C11orf65: variants seen among roughly 807,000 people sequenced by gnomAD.
The protein encoded by C11orf65 is protein MFI.
In C11orf65, 38 loss-of-function variants were observed where a neutral mutation model predicts 35.3. The observed-to-expected ratio is 1.08, with a 90% CI of 0.83 to 1.41. The LOEUF is 1.41. Ranked by LOEUF, C11orf65 falls within the 40% of genes most tolerant of loss-of-function variation. The pLI is 0.00. For missense variants in C11orf65, 370 were observed against 367.1 expected (o/e 1.01, Z -0.06); for synonymous variants, 105 against 114.4 (o/e 0.92, Z 0.53).
intron 2 of C11orf65, among the ~76,000 whole-genome samples, chr11:108,453,607 A>G (rs992669862): frequency 2.0e-5 from 3 of 152,238 alleles, no homozygotes; most frequent in Admixed American, 2.0e-4. Context: ...CTATAACAAT[A>G]TAAAATAAAA....
intron 3 of C11orf65, chr11:108,334,885 T>G: frequency 5.4e-6 from 8 of 1,471,944 alleles, no homozygotes; most frequent in Non-Finnish European, 7.6e-6. Context: ...TGTTTAATAT[T>G]AAAATTGCCA....
chr11:108,452,593 A>C (rs1195427278), intron 2 of C11orf65, among the ~76,000 whole-genome samples: 1 of 152,184 alleles, frequency 6.6e-6, no homozygotes. Context: ...ACAGTGTGGC[A>C]ATTCCTCAAG....
intron 6 of C11orf65, among the ~76,000 whole-genome samples, chr11:108,311,959 T>G (rs2084199265): frequency 6.6e-6 from 1 of 152,226 alleles, no homozygotes; most frequent in African/African-American, 2.4e-5. Flanking sequence ...TTGGTTTAAG[T>G]GGATCCTACT....
At chr11:108,396,101 G>A (rs1211244852) in intron 6 of C11orf65, among the ~76,000 whole-genome samples, 1 of 151,670 alleles carries the variant, frequency 6.6e-6, no homozygotes, top group Non-Finnish European at 1.5e-5. Context: ...ATTTTAAACG[G>A]ATAATGATCC....
At chr11:108,374,454 C>A (rs1418487532) in intron 2 of C11orf65, among the ~76,000 whole-genome samples, 3 of 152,188 alleles carry the variant, frequency 2.0e-5, no homozygotes, top group Non-Finnish European at 4.4e-5. Context: ...AAACTAACAA[C>A]AGAAAGGATA....
At chr11:108,382,694 G>A (rs2091890587), downstream of C11orf65, 1 of 802,818 alleles carries the variant, frequency 1.2e-6, no homozygotes, top group African/African-American at 1.9e-5. Context: ...CGAGAGCTCT[G>A]CCTTCCATGA....
At chr11:108,411,443 A>C (rs2092654893) in intron 3 of C11orf65, among the ~76,000 whole-genome samples, 1 of 152,214 alleles carries the variant, frequency 6.6e-6, no homozygotes, top group Admixed American at 6.5e-5. Context: ...ACTTTTGCAA[A>C]ACTGTAGACA....
chr11:108,331,296 G>A (rs1208638231), downstream of C11orf65: 2 of 1,402,320 alleles, frequency 1.4e-6, no homozygotes, highest in Non-Finnish European at 1.9e-6. Context: ...GATAAGAAAA[G>A]AAATGAAGGA....
intron 6 of C11orf65, among the ~76,000 whole-genome samples, chr11:108,323,275 T>C (rs926642398): frequency 6.6e-6 from 1 of 152,194 alleles, no homozygotes; most frequent in African/African-American, 2.4e-5. Context: ...CATAAGTACA[T>C]TGGCAGTACT....
chr11:108,447,185 G>A (rs1017493972), intron 2 of C11orf65, among the ~76,000 whole-genome samples: 4 of 152,174 alleles, frequency 2.6e-5, no homozygotes, highest in Non-Finnish European at 5.9e-5. Context: ...ATAATAATGG[G>A]AGACTTTAAC....
intron 2 of C11orf65, among the ~76,000 whole-genome samples, chr11:108,448,871 A>AT (rs957169993): frequency 6.6e-6 from 1 of 152,348 alleles, no homozygotes; most frequent in Middle Eastern, 3.4e-3. Flanking sequence ...ACATGATTGT[A>AT]TATCTAGAAA....
At position 108,459,411 on chromosome 11, in the gene C11orf65, T is replaced by C. The variant is rs569570650; in HGVS notation, c.81+2068A>G. Among the ~76,000 whole-genome samples the C allele has an allele frequency of 3.3e-5, 5 of 152,060 alleles. No homozygotes were observed. The East Asian group carries it at 9.6e-4, about 29-fold the overall frequency. ...AGACAACTGGCACAGCTGCCCCATA[T>C]ACAGACCTTCAATTAACCCCTGTCT... On this transcript the variant is annotated intron_variant, in intron 2 of 8. Coordinates refer to ENST00000393084, the MANE Select transcript of C11orf65 (RefSeq NM_152587.5).
chr11:108,421,386 T>G (rs775061704), intron 3 of C11orf65, among the ~76,000 whole-genome samples: 2 of 152,190 alleles, frequency 1.3e-5, no homozygotes, highest in African/African-American at 2.4e-5. Flanking sequence ...CCAGGTGCGA[T>G]AGCTCACGCC....
intron 6 of C11orf65, chr11:108,320,082 T>C (rs776497382): frequency 1.3e-6 from 2 of 1,512,176 alleles, no homozygotes; most frequent in East Asian, 2.3e-5. Context: ...ACAAAGTTAC[T>C]GTATTTTAAC....
Position 108,464,454 on chromosome 11 carries a change from C to T in C11orf65, c.-9-2886G>A, listed in dbSNP as rs199528637. ...TCCACTCACTGCAACCTCCGCCTCC[C>T]GGGTTCAAGTGATTCTCCTGCCTCA... On this transcript the variant is annotated intron_variant, in intron 1 of 8. Transcript: ENST00000393084. Among the ~76,000 whole-genome samples, 629 of 152,140 alleles carry T rather than the reference C, an allele frequency of 4.1e-3. 5 individuals carry two copies. In the South Asian group the frequency reaches 0.043, roughly 10 times the overall value.
At chr11:108,344,007 T>C (rs924715405) in intron 2 of C11orf65, among the ~76,000 whole-genome samples, 12 of 152,194 alleles carry the variant, frequency 7.9e-5, no homozygotes, top group African/African-American at 2.2e-4. Context: ...TCATAATCCT[T>C]ATCCTCATTT....
At chr11:108,384,043 G>T (rs983602539) in intron 8 of C11orf65, among the ~76,000 whole-genome samples, 4 of 151,940 alleles carry the variant, frequency 2.6e-5, no homozygotes, top group African/African-American at 4.8e-5. Flanking sequence ...TTTATTTTTT[G>T]TAGAGTGAGA....
intron 2 of C11orf65, among the ~76,000 whole-genome samples, chr11:108,441,597 C>T (rs754182183): frequency 1.2e-4 from 18 of 152,330 alleles, no homozygotes; most frequent in Admixed American, 2.6e-4. Context: ...ACACCTCATA[C>T]GGCCAGGTGC....
chr11:108,391,138 C>G (rs2092149774), intron 7 of C11orf65, among the ~76,000 whole-genome samples: 1 of 151,948 alleles, frequency 6.6e-6, no homozygotes, highest in African/African-American at 2.4e-5. Flanking sequence ...ATTTTCTTAT[C>G]TCACTTTTAC....
Sources: gnomAD v4.1 joint callset for allele counts (sites outside exome capture counted in the v4.1 genomes callset) on GRCh38, gnomAD v4.1.1 for gene constraint, MANE v1.5 for transcripts, NCBI Gene and HGNC (gene_info 2026-07-23, HGNC 2026-07-21) for gene names.